Variants in ARNT2 observed in about 807,000 individuals in gnomAD.
The protein encoded by ARNT2 is ARNT protein 2.
ARNT2 carries 36 observed loss-of-function variants against 91.7 expected under a neutral mutation model. That is an observed-to-expected ratio of 0.39 (90% CI 0.30 to 0.52). The LOEUF (loss-of-function observed/expected upper bound fraction) is 0.52, where lower values mean the gene tolerates loss of function less well. Ranked by LOEUF, ARNT2 falls within the 20% of genes least tolerant of loss-of-function variation. ARNT2 has a pLI of 0.72. For missense variants in ARNT2, 775 were observed against 939.3 expected (o/e 0.83, Z 2.29); for synonymous variants, 365 against 347.1 (o/e 1.05, Z -0.57).
At chr15:80,431,566 G>C (rs2141569339) in intron 1 of ARNT2, among the ~76,000 whole-genome samples, 1 of 152,326 alleles carries the variant, frequency 6.6e-6, no homozygotes, top group Middle Eastern at 3.4e-3. Context: ...CGTAGTAGGG[G>C]AGTGGGCCGG....
chr15:80,579,034 CCA>C (rs996611808), intron 15 of ARNT2, among the ~76,000 whole-genome samples: 6 of 152,224 alleles, frequency 3.9e-5, no homozygotes, highest in African/African-American at 1.4e-4. Context: ...CCCTGCCTGT[CCA>C]CACTAAGGCA....
intron 8 of ARNT2, among the ~76,000 whole-genome samples, chr15:80,526,175 C>T (rs80262422): frequency 0.09 from 13,700 of 152,244 alleles, 705 homozygotes; most frequent in Admixed American, 0.17. Flanking sequence ...TAATTAGCCT[C>T]ACCAGGCTTT....
intron 6 of ARNT2, 125 bp downstream of exon 6, chr15:80,508,383 G>A (rs1897301920): frequency 9.8e-6 from 8 of 818,418 alleles, no homozygotes; most frequent in South Asian, 4.8e-5. Flanking sequence ...CAGGGACTTC[G>A]TCTTCTTGAC....
At chr15:80,468,119 C>T (rs1896683384) in intron 3 of ARNT2, among the ~76,000 whole-genome samples, 1 of 152,152 alleles carries the variant, frequency 6.6e-6, no homozygotes, top group African/African-American at 2.4e-5. Flanking sequence ...TATGCCCTTC[C>T]CTACCAGAGT....
chr15:80,460,344 A>G (rs6495503), intron 3 of ARNT2, among the ~76,000 whole-genome samples: 150,869 of 152,336 alleles, frequency 0.99, 74,712 homozygotes, highest in East Asian at 1. Context: ...TAGGAATTTG[A>G]TATGGTTCCT....
chr15:80,404,510 A>T lies in ARNT2; in HGVS notation c.-6A>T, dbSNP rs1180247552. 1.6e-6 allele frequency: 2 copies of T among 1,235,280 alleles called. No individual in the cohort carries two copies. The highest frequency in any genetic ancestry group is 6.0e-5 in the Admixed American group (2 of 33,228). The allele number at this position is 1,235,280 out of a possible 1,614,324, so 76.5% of individuals were successfully genotyped here. A position where few individuals can be genotyped will look rare whatever the true frequency, so the allele number is the denominator to read the frequency against. On this transcript the variant is annotated 5_prime_UTR_variant, in exon 1 of 19. Coordinates refer to ENST00000303329, the MANE Select transcript of ARNT2 (RefSeq NM_014862.4). This position sits in a 1 kb window ranked among gnomAD's most constrained non-coding sequence, Gnocchi z 5.5. ...GCCAAGCGGGCGCCTATCCTCTCCG[A>T]GCAAGATGGCAACCCCGGCGGCGGT...
At chr15:80,557,108 G>A (rs1020467340) in intron 11 of ARNT2, among the ~76,000 whole-genome samples, 1 of 152,242 alleles carries the variant, frequency 6.6e-6, no homozygotes, top group African/African-American at 2.4e-5. Flanking sequence ...TGAAGGCGTT[G>A]CTATGTTTGC....
chr15:80,559,666 G>T (rs1898288061), intron 11 of ARNT2, among the ~76,000 whole-genome samples: 1 of 152,094 alleles, frequency 6.6e-6, no homozygotes, highest in Admixed American at 6.5e-5. Flanking sequence ...ACTTGCCTCT[G>T]CTCTTGGATT....
chr15:80,445,835 G>C (rs1385346506), intron 1 of ARNT2, among the ~76,000 whole-genome samples: 3 of 152,054 alleles, frequency 2.0e-5, no homozygotes, highest in Non-Finnish European at 2.9e-5. Context: ...ACAGCCTCAC[G>C]TGGGGGATCG....
intron 1 of ARNT2, among the ~76,000 whole-genome samples, chr15:80,410,063 CT>C (rs1337877907): frequency 6.6e-6 from 1 of 152,198 alleles, no homozygotes; most frequent in Non-Finnish European, 1.5e-5. Context: ...CTGACCTGCA[CT>C]TTTAAATGCT....
intron 8 of ARNT2, among the ~76,000 whole-genome samples, chr15:80,538,676 A>G (rs1236167234): frequency 7.9e-5 from 12 of 152,128 alleles, no homozygotes; most frequent in Admixed American, 7.9e-4. Context: ...TTATTAACTA[A>G]TGAAAATAGA....
chr15:80,440,326 C>A (rs1352220870), intron 1 of ARNT2, among the ~76,000 whole-genome samples: 1 of 152,220 alleles, frequency 6.6e-6, no homozygotes, highest in East Asian at 1.9e-4. Context: ...TCCTTGTTGT[C>A]TTGCTCCAGA....
At chr15:80,495,346 C>T (rs959876602) in intron 5 of ARNT2, among the ~76,000 whole-genome samples, 5 of 152,202 alleles carry the variant, frequency 3.3e-5, no homozygotes, top group Non-Finnish European at 5.9e-5. Context: ...GGAGCTCTCC[C>T]GACATGGCTG....
chr15:80,583,726 G>C (rs1220505500), intron 17 of ARNT2, among the ~76,000 whole-genome samples: 1 of 152,210 alleles, frequency 6.6e-6, no homozygotes, highest in Non-Finnish European at 1.5e-5. Context: ...ACTTACTATA[G>C]CTGATAATAG....
At chr15:80,528,902 C>T (rs1028877128) in intron 8 of ARNT2, among the ~76,000 whole-genome samples, 1 of 152,118 alleles carries the variant, frequency 6.6e-6, no homozygotes, top group Non-Finnish European at 1.5e-5. Context: ...CAGACTAAGA[C>T]ACAAATCTTT....
At position 80,593,801 on chromosome 15, in the gene ARNT2, C is replaced by G. The variant is rs1893327994; in HGVS notation, c.*103C>G. ...CTCGCCCTGCTTGCCCTGCCGCAGG[C>G]CCCCCACCAGAAGCCATCTCCCCCG... On this transcript the variant is annotated 3_prime_UTR_variant, in exon 19 of 19. Coordinates refer to ENST00000303329, the MANE Select transcript of ARNT2 (RefSeq NM_014862.4). 9.2e-7 allele frequency: 1 copy of G among 1,082,680 alleles called. No homozygotes were observed. The highest frequency in any genetic ancestry group is 2.1e-5 in the Admixed American group (1 of 47,950). The allele number at this position is 1,082,680 out of a possible 1,614,324, so 67.1% of individuals were successfully genotyped here.
At chr15:80,422,404 C>T (rs757703091) in intron 1 of ARNT2, among the ~76,000 whole-genome samples, 2 of 152,084 alleles carry the variant, frequency 1.3e-5, no homozygotes, top group Admixed American at 1.3e-4. Flanking sequence ...GCATGCCAGA[C>T]GACAATACAA....
At chr15:80,451,521 C>G (rs1174545269) in intron 2 of ARNT2, among the ~76,000 whole-genome samples, 1 of 152,216 alleles carries the variant, frequency 6.6e-6, no homozygotes, top group African/African-American at 2.4e-5. Flanking sequence ...TCCAAGTGTA[C>G]TTGTTCTGAT....
chr15:80,561,808 A>G (rs925842855), intron 11 of ARNT2, among the ~76,000 whole-genome samples: 4 of 152,220 alleles, frequency 2.6e-5, no homozygotes, highest in Non-Finnish European at 4.4e-5. Context: ...CTTGCATTCA[A>G]GTAGCCCTTA....
Sources: allele counts gnomAD v4.1 joint callset (sites outside exome capture counted in the v4.1 genomes callset), GRCh38; gene constraint gnomAD v4.1.1; non-coding constraint Gnocchi (gnomAD v3.1); transcripts MANE v1.5; gene names NCBI Gene and HGNC (gene_info 2026-07-23, HGNC 2026-07-21).